TRHDE: variants seen among roughly 807,000 people sequenced by gnomAD.
The protein encoded by TRHDE is thyrotropin-releasing hormone-degrading ectoenzyme.
A neutral mutation model predicts 125.7 loss-of-function variants in TRHDE; 72 were observed. That is an observed-to-expected ratio of 0.57 (90% CI 0.47 to 0.70). TRHDE has a LOEUF of 0.70. Ranked by LOEUF, TRHDE falls within the 30% of genes least tolerant of loss-of-function variation. The probability of loss-of-function intolerance (pLI) is 0.00; values close to 1 mark genes in which losing one functional copy is unlikely to be tolerated. For missense variants in TRHDE, 1,110 were observed against 1,327.1 expected (o/e 0.84, Z 2.54); for synonymous variants, 509 against 509.1 (o/e 1.00, Z 0.00).
At chr12:72,638,088 A>G (rs1327178396) in intron 15 of TRHDE, among the ~76,000 whole-genome samples, 1 of 147,114 alleles carries the variant, frequency 6.8e-6, no homozygotes, top group Non-Finnish European at 1.5e-5. Flanking sequence ...TGATCTGTCT[A>G]ATGTTGACAG....
At chr12:72,605,830 A>C (rs1872416004) in intron 12 of TRHDE, among the ~76,000 whole-genome samples, 1 of 152,144 alleles carries the variant, frequency 6.6e-6, no homozygotes, top group African/African-American at 2.4e-5. Flanking sequence ...TGCTTGAAAT[A>C]GTTTCTTTGA....
chr12:72,462,895 G>T (rs374176057), intron 3 of TRHDE, among the ~76,000 whole-genome samples: 2 of 152,204 alleles, frequency 1.3e-5, no homozygotes, highest in South Asian at 4.2e-4. Flanking sequence ...CAGCATCTTT[G>T]TTAGTCTCCT....
intron 3 of TRHDE, among the ~76,000 whole-genome samples, chr12:72,378,856 A>T (rs181714727): frequency 6.6e-6 from 1 of 152,350 alleles, no homozygotes; most frequent in South Asian, 2.1e-4. Flanking sequence ...CTGAATTTCA[A>T]TGAGGCTGCT....
intron 2 of TRHDE, among the ~76,000 whole-genome samples, chr12:72,258,696 G>C (rs1012395162): frequency 6.6e-6 from 1 of 152,130 alleles, no homozygotes; most frequent in Non-Finnish European, 1.5e-5. Flanking sequence ...CAGTTCAGGA[G>C]AAGACGTTAC....
intron 3 of TRHDE, among the ~76,000 whole-genome samples, chr12:72,416,751 C>T (rs1260456516): frequency 1.3e-5 from 2 of 152,058 alleles, no homozygotes. Flanking sequence ...TGTTTTTATA[C>T]CTGTACCGTG....
At chr12:72,240,522 A>G (rs1314324525) in intron 2 of TRHDE, among the ~76,000 whole-genome samples, 1 of 151,786 alleles carries the variant, frequency 6.6e-6, no homozygotes, top group African/African-American at 2.4e-5. Flanking sequence ...ACCTTATACC[A>G]TCTGTCCTTA....
intron 2 of TRHDE, among the ~76,000 whole-genome samples, chr12:72,252,337 T>C (rs902579962): frequency 1.3e-5 from 2 of 152,128 alleles, no homozygotes; most frequent in African/African-American, 4.8e-5. Flanking sequence ...TCTCTTTTTC[T>C]TTTTGCCTAT....
intron 4 of TRHDE, among the ~76,000 whole-genome samples, chr12:72,471,788 C>A (rs2135900186): frequency 6.6e-6 from 1 of 152,310 alleles, no homozygotes; most frequent in Non-Finnish European, 1.5e-5. Flanking sequence ...AGAACAGATA[C>A]TTTACTGTTA....
intron 2 of TRHDE, among the ~76,000 whole-genome samples, chr12:72,109,128 C>A (rs1312745885): frequency 2.0e-5 from 3 of 152,062 alleles, no homozygotes; most frequent in African/African-American, 7.2e-5. Flanking sequence ...CTACTATGTG[C>A]TAGGCAATTT....
intron 2 of TRHDE, among the ~76,000 whole-genome samples, chr12:72,213,002 A>T (rs1877814477): frequency 6.6e-6 from 1 of 152,194 alleles, no homozygotes; most frequent in African/African-American, 2.4e-5. Flanking sequence ...ATTTGGCAAT[A>T]GGAGGAATGA....
At chr12:72,544,480 A>G (rs758980522) in intron 7 of TRHDE, among the ~76,000 whole-genome samples, 3 of 151,576 alleles carry the variant, frequency 2.0e-5, no homozygotes, top group Admixed American at 6.6e-5. Context: ...AAAGTTTACT[A>G]CTTGCAATTC....
At chr12:72,347,392 T>C (rs997848639) in intron 2 of TRHDE, among the ~76,000 whole-genome samples, 6 of 152,136 alleles carry the variant, frequency 3.9e-5, no homozygotes, top group Admixed American at 3.9e-4. Context: ...AATTGTACAT[T>C]ATCCATTACT....
At chr12:72,569,007 T>G (rs1592542734) in intron 10 of TRHDE, among the ~76,000 whole-genome samples, 2 of 152,088 alleles carry the variant, frequency 1.3e-5, no homozygotes, top group East Asian at 3.9e-4. Context: ...AAAACACAGG[T>G]CTCATTTTTA....
chr12:72,385,360 T>C (rs1397045654), intron 3 of TRHDE, among the ~76,000 whole-genome samples: 1 of 152,106 alleles, frequency 6.6e-6, no homozygotes, highest in Non-Finnish European at 1.5e-5. Flanking sequence ...AGGTGGTAGT[T>C]TGCCTTCTAA....
chr12:72,609,374 C>T (rs527937181), intron 12 of TRHDE, among the ~76,000 whole-genome samples: 26 of 152,058 alleles, frequency 1.7e-4, no homozygotes, highest in African/African-American at 5.1e-4. Context: ...AGAACCAATC[C>T]GAAGGTAATT....
Position 72,272,526 on chromosome 12 carries a change from T to G in TRHDE, c.-118T>G, listed in dbSNP as rs1879263995. Reference sequence around the variant, plus strand: ...CGTCTTAAAAGAACCCGGGCCAGCATCCCCAGTCGCGCGCCCTCGGCCCGC... The same window carrying G: ...CGTCTTAAAAGAACCCGGGCCAGCAGCCCCAGTCGCGCGCCCTCGGCCCGC... On this transcript the variant is annotated 5_prime_UTR_variant, in exon 1 of 19. Transcript: ENST00000261180. The surrounding 1 kb of genome is among the most constrained non-coding windows in gnomAD (Gnocchi z 6.7). The G allele has an allele frequency of 2.0e-5, 11 of 555,854 alleles. No individual in the cohort carries two copies. In the South Asian group the frequency reaches 2.5e-4, roughly 12 times the overall value. 34.4% of individuals were successfully genotyped at this position (555,854 alleles called of 1,614,324 possible). A position where few individuals can be genotyped will look rare whatever the true frequency, so the allele number is the denominator to read the frequency against.
chr12:72,102,067 A>C (rs1024034047), intron 1 of TRHDE, among the ~76,000 whole-genome samples: 6 of 152,242 alleles, frequency 3.9e-5, no homozygotes, highest in Non-Finnish European at 8.8e-5. Context: ...AACACAGGGA[A>C]TCTTTAGAAA....
intron 2 of TRHDE, among the ~76,000 whole-genome samples, chr12:72,172,088 G>A (rs954770743): frequency 2.0e-5 from 3 of 152,138 alleles, no homozygotes; most frequent in African/African-American, 7.2e-5. Flanking sequence ...CCACTGGACA[G>A]GGTAAGGGCA....
intron 2 of TRHDE, among the ~76,000 whole-genome samples, chr12:72,333,475 T>C (rs1043108776): frequency 6.6e-6 from 1 of 152,202 alleles, no homozygotes; most frequent in Non-Finnish European, 1.5e-5. Flanking sequence ...GGAGATATTG[T>C]GAAAAATTTG....
Sources: allele counts gnomAD v4.1 joint callset (sites outside exome capture counted in the v4.1 genomes callset), GRCh38; gene constraint gnomAD v4.1.1; non-coding constraint Gnocchi (gnomAD v3.1); transcripts MANE v1.5; gene names NCBI Gene and HGNC (gene_info 2026-07-23, HGNC 2026-07-21).